COL5A2: variants seen among roughly 807,000 people sequenced by gnomAD.
COL5A2 encodes collagen alpha-2(V) chain.
COL5A2 carries 23 observed loss-of-function variants against 208.2 expected under a neutral mutation model. That is an observed-to-expected ratio of 0.11 (90% CI 0.08 to 0.16). The LOEUF is 0.16. Ranked by LOEUF, COL5A2 falls within the 10% of genes least tolerant of loss-of-function variation. COL5A2 has a pLI of 1.00. For missense variants in COL5A2, 1,590 were observed against 1,956.4 expected (o/e 0.81, Z 3.53); for synonymous variants, 625 against 628.5 (o/e 0.99, Z 0.08).
chr2:189,345,460 G>C, the COL5A2 span, among the ~76,000 whole-genome samples: 1 of 152,112 alleles, frequency 6.6e-6, no homozygotes, highest in African/African-American at 2.4e-5. Context: ...AGAAAATATA[G>C]CAAGAAGGTC....
chr2:189,176,637 C>T (rs1220482920), intron 1 of COL5A2, among the ~76,000 whole-genome samples: 1 of 152,066 alleles, frequency 6.6e-6, no homozygotes, highest in Non-Finnish European at 1.5e-5. Flanking sequence ...AATGCTCTAG[C>T]ATTTTCCTTA....
At chr2:189,045,034 G>A in intron 47 of COL5A2, 145 bp downstream of exon 47, 1 of 506,772 alleles carries the variant, frequency 2.0e-6, no homozygotes, top group Middle Eastern at 5.5e-4. Flanking sequence ...TAAAAAATAA[G>A]AGTAAACTTA....
At chr2:189,239,865 CTG>C in the COL5A2 span, among the ~76,000 whole-genome samples, 1 of 152,014 alleles carries the variant, frequency 6.6e-6, no homozygotes, top group African/African-American at 2.4e-5. Context: ...AGACAAGGAA[CTG>C]ATTGTCCCCT....
chr2:189,296,336 A>C, the COL5A2 span, among the ~76,000 whole-genome samples: 17 of 152,112 alleles, frequency 1.1e-4, no homozygotes, highest in Admixed American at 9.2e-4. Flanking sequence ...CTCTTCACAC[A>C]TTATGCCCAT....
intron 1 of COL5A2, among the ~76,000 whole-genome samples, chr2:189,167,885 A>C (rs562427348): frequency 6.6e-6 from 1 of 151,992 alleles, no homozygotes; most frequent in African/African-American, 2.4e-5. Context: ...CCCTGATAGA[A>C]TTTGCAGTTG....
chr2:189,115,412 A>G (rs1454570598), intron 1 of COL5A2, among the ~76,000 whole-genome samples: 1 of 152,080 alleles, frequency 6.6e-6, no homozygotes, highest in African/African-American at 2.4e-5. Context: ...TGGGGGAAAA[A>G]AAAAAAGCCT....
At chr2:189,400,449 A>G in the COL5A2 span, among the ~76,000 whole-genome samples, 8 of 152,160 alleles carry the variant, frequency 5.3e-5, no homozygotes, top group African/African-American at 1.9e-4. Flanking sequence ...TAAGCTACCC[A>G]TTAACTTTTT....
intron 1 of COL5A2, among the ~76,000 whole-genome samples, chr2:189,189,247 C>T (rs975169835): frequency 4.6e-5 from 7 of 152,154 alleles, no homozygotes; most frequent in African/African-American, 1.7e-4. Flanking sequence ...CTCTTCTTCT[C>T]CTGATAGAGA....
At chr2:189,221,916 A>C (rs569112284) in intron 1 of COL5A2, among the ~76,000 whole-genome samples, 24 of 152,258 alleles carry the variant, frequency 1.6e-4, no homozygotes, top group African/African-American at 5.8e-4. Context: ...TATAATGTGG[A>C]TCTATTCAAG....
In COL5A2 at chr2:189,219,457, T is replaced by C. The variant is rs545428195; in HGVS notation, c.-42+5691A>G. Among the ~76,000 whole-genome samples, 10 of 152,260 alleles carry C rather than the reference T, an allele frequency of 6.6e-5. No homozygotes were observed. The South Asian group carries it at 1.4e-3, about 22-fold the overall frequency. ...TTGTAATTTTGTAGTTCTTTCCTTA[T>C]AGAGAGTCTCTCAAATTGAATACAT... On this transcript the variant is annotated intron_variant, in intron 1 of 10. Coordinates refer to the COL5A2 transcript ENST00000649966.
chr2:189,410,749 G>A, the COL5A2 span, among the ~76,000 whole-genome samples: 2 of 151,910 alleles, frequency 1.3e-5, no homozygotes, highest in Non-Finnish European at 2.9e-5. Flanking sequence ...CAAAAATTAT[G>A]TGAATATATA....
the COL5A2 span, among the ~76,000 whole-genome samples, chr2:189,358,259 A>T: frequency 6.6e-6 from 1 of 152,156 alleles, no homozygotes; most frequent in Non-Finnish European, 1.5e-5. Flanking sequence ...ACTTCAAAAT[A>T]TTAGTGCTCA....
chr2:189,405,522 G>C, the COL5A2 span, among the ~76,000 whole-genome samples: 1 of 152,160 alleles, frequency 6.6e-6, no homozygotes. Context: ...GAGCCACCGT[G>C]CCTGGCCTAA....
At chr2:189,107,829 A>G (rs1687180608) in intron 2 of COL5A2, among the ~76,000 whole-genome samples, 1 of 151,818 alleles carries the variant, frequency 6.6e-6, no homozygotes, top group Non-Finnish European at 1.5e-5. Flanking sequence ...TTACTCATAG[A>G]TCTGTATTTG....
intron 1 of COL5A2, among the ~76,000 whole-genome samples, chr2:189,223,634 GA>G (rs1305295040): frequency 5.9e-5 from 9 of 152,150 alleles, no homozygotes; most frequent in Non-Finnish European, 2.9e-5. Flanking sequence ...CAATAAAAAT[GA>G]ATGATCTATA....
chr2:189,089,618 T>C (rs1686739312), intron 7 of COL5A2, among the ~76,000 whole-genome samples: 1 of 152,180 alleles, frequency 6.6e-6, no homozygotes, highest in South Asian at 2.1e-4. Flanking sequence ...AATTCAAGTC[T>C]TATGGCAACC....
chr2:189,066,734 C>T lies in COL5A2; in HGVS notation c.1450G>A (p.Glu484Lys), dbSNP rs1686160380. Reference sequence around the variant, plus strand: ...TTAAAACAATGAAACCTTACTGGTTCCCCTTTTGGGCCAGCTTCTCCTTTG... The same window carrying T: ...TTAAAACAATGAAACCTTACTGGTTTCCCTTTTGGGCCAGCTTCTCCTTTG... The part of the protein sequence containing the change: ...GFKGEAGPKG[E>K]PGPHGIQGPI... The change falls in exon 22 of 54, where the codon GAA (glutamate) becomes AAA (lysine). Residue 484 changes from glutamate to lysine, a missense_variant. Transcript: ENST00000374866. 2 of 1,612,868 alleles carry T rather than the reference C, an allele frequency of 1.2e-6. No homozygotes were observed. Among genetic ancestry groups the T allele is most frequent in the Non-Finnish European group, 1.7e-6 (2 of 1,178,872 alleles).
the COL5A2 span, among the ~76,000 whole-genome samples, chr2:189,271,157 C>A: frequency 0.88 from 133,152 of 152,084 alleles, 58,791 homozygotes; most frequent in East Asian, 0.99. Context: ...AAAAAAACTA[C>A]TTTAAATTTC....
chr2:189,060,628 G>C, intron 31 of COL5A2, 102 bp downstream of exon 31: 1 of 981,076 alleles, frequency 1.0e-6, no homozygotes, highest in Non-Finnish European at 1.6e-6. Context: ...AACTCAAAGA[G>C]ATAATGTATG....
Sources: gnomAD v4.1 joint callset for allele counts (sites outside exome capture counted in the v4.1 genomes callset) on GRCh38, gnomAD v4.1.1 for gene constraint, MANE v1.5 for transcripts, NCBI Gene and HGNC (gene_info 2026-07-23, HGNC 2026-07-21) for gene names.